ATP6V1B1: variants seen among roughly 807,000 people sequenced by gnomAD.
The protein encoded by ATP6V1B1 is V-type proton ATPase subunit B, kidney isoform.
ATP6V1B1 carries 41 observed loss-of-function variants against 62.1 expected under a neutral mutation model. That is an observed-to-expected ratio of 0.66 (90% CI 0.51 to 0.86). The LOEUF (loss-of-function observed/expected upper bound fraction) is 0.86. Among genes scored for constraint, ATP6V1B1 ranks in the 40% least tolerant of loss-of-function variants. ATP6V1B1 has a pLI of 0.00. For synonymous variants in ATP6V1B1, 253 were observed against 273.4 expected, an observed-to-expected ratio of 0.93 and a Z score of 0.74; for missense variants, 651 against 697.5, an observed-to-expected ratio of 0.93 and a Z score of 0.75.
At chr2:70,948,941 A>G (rs1680256799) in intron 2 of ATP6V1B1, among the ~76,000 whole-genome samples, 1 of 152,200 alleles carries the variant, frequency 6.6e-6, no homozygotes, top group Admixed American at 6.5e-5. Flanking sequence ...GCAAGCCCTT[A>G]AGGTCACTAG....
In ATP6V1B1 at chr2:70,963,317, C is replaced by G; in HGVS notation, c.1060+5C>G. The G allele has an allele frequency of 1.2e-6, 2 of 1,612,756 alleles. No individual in the cohort carries two copies. Among genetic ancestry groups the G allele is most frequent in the South Asian group, 2.2e-5 (2 of 91,078 alleles). ...TCCTCACCATGCCCAACGACGGTAG[C>G]CTCCTCACAGCCCACTACCCTCCAG... On this transcript the variant is annotated splice_donor_5th_base_variant and intron_variant, in intron 10 of 13. Transcript: ENST00000234396. This position sits in a 1 kb window ranked among gnomAD's most constrained non-coding sequence, Gnocchi z 4.3.
At chr2:70,950,774 T>C (rs916294046) in intron 2 of ATP6V1B1, among the ~76,000 whole-genome samples, 3 of 152,156 alleles carry the variant, frequency 2.0e-5, no homozygotes, top group Non-Finnish European at 4.4e-5. Context: ...AGTATACTTT[T>C]ACTTTACTTT....
rs1680666858 is a variant in ATP6V1B1 at position 70,964,429 on chromosome 2, C to A, written c.1144-9C>A. ...TGCTGTCCACCACTCCCTTTTTCTTCTCCCTCAGATCTACCCCCCCATCAA... is the reference window on the plus strand; with the variant it reads ...TGCTGTCCACCACTCCCTTTTTCTTATCCCTCAGATCTACCCCCCCATCAA... On this transcript the variant is annotated splice_polypyrimidine_tract_variant and intron_variant, in intron 11 of 13. Transcript: ENST00000234396. 5.6e-6 allele frequency: 9 copies of A among 1,613,714 alleles called. No individual in the cohort carries two copies. Among genetic ancestry groups the A allele is most frequent in the Non-Finnish European group, 6.8e-6 (8 of 1,179,820 alleles).
At chr2:70,949,157 C>T (rs1680262360) in intron 2 of ATP6V1B1, among the ~76,000 whole-genome samples, 1 of 152,198 alleles carries the variant, frequency 6.6e-6, no homozygotes, top group Non-Finnish European at 1.5e-5. Context: ...CTGCTGAATA[C>T]GCTCAAACAC....
At position 70,960,055 on chromosome 2, in the gene ATP6V1B1, G is replaced by A. The variant is rs907909300; in HGVS notation, c.562G>A (p.Ala188Thr). 1.2e-6 allele frequency: 2 copies of A among 1,614,208 alleles called. No individual in the cohort carries two copies. The highest frequency in any genetic ancestry group is 1.7e-6 in the Non-Finnish European group (2 of 1,180,046). The change falls in exon 6 of 14, where the codon GCA becomes ACA. Residue 188 changes from alanine to threonine, a missense_variant. Transcript: ENST00000234396. ...CGGCCAGAAGATCCCCATCTTCTCA[G>A]CAGCCGGGCTCCCCCACAATGAGGT... ...ARGQKIPIFS[A>T]AGLPHNEIAA... is the part of the protein sequence containing the mutation.
intron 1 of ATP6V1B1, chr2:70,941,811 G>T (rs1680010341): frequency 2.0e-6 from 2 of 985,890 alleles, no homozygotes; most frequent in East Asian, 1.1e-4. Flanking sequence ...AAAGGTCTGA[G>T]AGCGAGGAGT....
chr2:70,960,160 C>T, intron 6 of ATP6V1B1, 82 bp downstream of exon 6: 3 of 1,585,556 alleles, frequency 1.9e-6, no homozygotes, highest in African/African-American at 1.3e-5. Context: ...AGGACAGCTC[C>T]TGTGCCAAGC....
intron 1 of ATP6V1B1, chr2:70,941,064 G>A (rs548403886): frequency 1.3e-4 from 60 of 458,422 alleles, no homozygotes; most frequent in East Asian, 3.1e-4. Context: ...CCACAGGCAC[G>A]TTCCACCATG....
Position 70,964,885 on chromosome 2 carries a change from T to G in ATP6V1B1, c.1378+20T>G. The G allele has an allele frequency of 6.2e-7, 1 of 1,614,050 alleles. No homozygotes were observed. The highest frequency in any genetic ancestry group is 8.5e-7 in the Non-Finnish European group (1 of 1,180,032). ...ATCAGGGTAAGGCGCGTCGCTGGTGTGGAGCCAGTAACCTCTTCACCCTCC... is the reference window on the plus strand; with the variant it reads ...ATCAGGGTAAGGCGCGTCGCTGGTGGGGAGCCAGTAACCTCTTCACCCTCC... On this transcript the variant is annotated intron_variant, in intron 13 of 13. Coordinates refer to ENST00000234396, the MANE Select transcript of ATP6V1B1 (RefSeq NM_001692.4).
chr2:70,940,374 A>T, intron 1 of ATP6V1B1: 1 of 940,884 alleles, frequency 1.1e-6, no homozygotes, highest in Non-Finnish European at 1.3e-6. Context: ...CCCACCCTGC[A>T]TCTTTACATC....
intron 9 of ATP6V1B1, 65 bp downstream of exon 9, chr2:70,962,965 G>A (rs1553420378): frequency 1.1e-5 from 17 of 1,609,820 alleles, no homozygotes; most frequent in Middle Eastern, 1.7e-4. Context: ...CACCCCAGAC[G>A]GTCACCCTGC....
At chr2:70,957,874 C>T in intron 2 of ATP6V1B1, 172 bp from the exon 3 acceptor site, 1 of 682,696 alleles carries the variant, frequency 1.5e-6, no homozygotes, top group Non-Finnish European at 2.6e-6. Context: ...GTGCAACTGC[C>T]TCCCAAACAG....
At chr2:70,941,940 A>C in intron 1 of ATP6V1B1, 1 of 996,552 alleles carries the variant, frequency 1.0e-6, no homozygotes, top group Non-Finnish European at 1.2e-6. Context: ...AAGGCCAAGG[A>C]GAGGGTGGAA....
At chr2:70,938,063 C>T (rs1189686869) in intron 1 of ATP6V1B1, among the ~76,000 whole-genome samples, 2 of 152,176 alleles carry the variant, frequency 1.3e-5, no homozygotes, top group Non-Finnish European at 2.9e-5. Context: ...GGCTCTGCTC[C>T]CTGCCAGCGC....
In ATP6V1B1 at chr2:70,963,319, T is replaced by C; in HGVS notation, c.1060+7T>C. ...CTCACCATGCCCAACGACGGTAGCC[T>C]CCTCACAGCCCACTACCCTCCAGAG... On this transcript the variant is annotated splice_region_variant and intron_variant, in intron 10 of 13. Transcript: ENST00000234396. This position sits in a 1 kb window ranked among gnomAD's most constrained non-coding sequence, Gnocchi z 4.3. 1 of 1,612,624 alleles carries C rather than the reference T, an allele frequency of 6.2e-7. No individual in the cohort carries two copies. The highest frequency in any genetic ancestry group is 8.5e-7 in the Non-Finnish European group (1 of 1,179,966).
Position 70,958,068 on chromosome 2 carries a change from T to C in ATP6V1B1, c.197T>C (p.Val66Ala), listed in dbSNP as rs781977744. ...RVKFAQYAEI[V>A]HFTLPDGTQR... The stretch of plus-strand genomic sequence containing the variant: ...CAGTTTGCCCAGTATGCGGAGATCG[T>C]CCACTTCACCCTCCCAGATGGGACT... Residue 66 changes from valine (V) to alanine (A), a missense_variant, in exon 3 of 14, where the codon GTC becomes GCC. By Grantham distance (64) the Val-to-Ala change is moderately conservative. Transcript: ENST00000234396. The C allele has an allele frequency of 2.5e-6, 4 of 1,614,098 alleles. No homozygotes were observed. The highest frequency in any genetic ancestry group is 2.5e-6 in the Non-Finnish European group (3 of 1,180,016).
In ATP6V1B1 at chr2:70,943,699, C is replaced by T; in HGVS notation, c.160C>T (p.Leu54=). The part of the protein sequence containing the change: ...VCSVNGPLVV[L]DRVKFAQYAE... ...CAGCGTGAACGGGCCCCTGGTGGTG[C>T]TGGACCGGGTCAAGGTAAGACTCTT... is the stretch of plus-strand genomic sequence containing the variant. The change falls in exon 2 of 14, where the codon CTG becomes TTG. Residue 54 remains leucine, a synonymous_variant. Coordinates refer to ENST00000234396, the MANE Select transcript of ATP6V1B1 (RefSeq NM_001692.4). 1 of 1,613,794 alleles carries T rather than the reference C, an allele frequency of 6.2e-7. No individual in the cohort carries two copies. Among genetic ancestry groups the T allele is most frequent in the Non-Finnish European group, 8.5e-7 (1 of 1,179,970 alleles).
rs113233667 is a variant in ATP6V1B1, at chr2:70,958,981, G to A, written c.368-37G>A. 1.3e-5 allele frequency: 21 copies of A among 1,604,268 alleles called. 1 individual carries two copies. In the African/African-American group the frequency reaches 1.6e-4, roughly 12 times the overall value. ...GACAGTAGTGAGGGACACAGGGCTA[G>A]CCTGAGCACCCTGCAACACTCCTCG... On this transcript the variant is annotated intron_variant, in intron 4 of 13. Transcript: ENST00000234396.
At position 70,964,528 on chromosome 2, in the gene ATP6V1B1, G is replaced by A. The variant is rs781814775; in HGVS notation, c.1234G>A (p.Val412Ile). 1.2e-6 allele frequency: 2 copies of A among 1,614,082 alleles called. No homozygotes were observed. The highest frequency in any genetic ancestry group is 1.7e-6 in the Non-Finnish European group (2 of 1,180,042). Residue 412 changes from valine (V) to isoleucine (I), a missense_variant, in exon 12 of 14, where the codon GTC becomes ATC. Physicochemically the swap from Val to Ile is conservative, Grantham distance 29. Coordinates refer to ENST00000234396, the MANE Select transcript of ATP6V1B1 (RefSeq NM_001692.4). ...EGMTRKDHGD[V>I]SNQLYACYAI... ...CATGACAAGAAAGGACCATGGAGAT[G>A]TCTCCAACCAGCTGGTAAGGAGAAG...
Sources: allele counts gnomAD v4.1 joint callset (sites outside exome capture counted in the v4.1 genomes callset), GRCh38; gene constraint gnomAD v4.1.1; non-coding constraint Gnocchi (gnomAD v3.1); transcripts MANE v1.5; gene names NCBI Gene and HGNC (gene_info 2026-07-23, HGNC 2026-07-21).